The following PLEKHA5 variants were observed in gnomAD, a reference collection of about 807,000 sequenced individuals.
PLEKHA5 encodes pleckstrin homology domain-containing family A member 5.
A neutral mutation model predicts 181.9 loss-of-function variants in PLEKHA5; 55 were observed. The ratio of observed to expected loss-of-function variants is 0.30; its 90% confidence interval spans 0.24 to 0.38. The LOEUF (loss-of-function observed/expected upper bound fraction) is 0.38. Ranked by LOEUF, PLEKHA5 falls within the 10% of genes least tolerant of loss-of-function variation. The pLI, the probability that PLEKHA5 is intolerant of heterozygous loss-of-function variation, is 1.00. For synonymous variants in PLEKHA5, 535 were observed against 529.4 expected, an observed-to-expected ratio of 1.01 and a Z score of -0.15; for missense variants, 1,432 against 1,549.5, an observed-to-expected ratio of 0.92 and a Z score of 1.27.
chr12:19,261,425 T>C (rs1446332318), intron 7 of PLEKHA5, among the ~76,000 whole-genome samples: 1 of 152,190 alleles, frequency 6.6e-6, no homozygotes, highest in Non-Finnish European at 1.5e-5. Flanking sequence ...TATTATGTAA[T>C]GGCAAATGAA....
At chr12:19,348,231 C>G (rs1474485223) in intron 24 of PLEKHA5, among the ~76,000 whole-genome samples, 168 bp from the exon 25 acceptor site, 1 of 152,146 alleles carries the variant, frequency 6.6e-6, no homozygotes, top group African/African-American at 2.4e-5. Flanking sequence ...AAAAATTTCT[C>G]AAATTTCTTC....
In PLEKHA5 at chr12:19,366,009, T is replaced by C; in HGVS notation, c.3654T>C (p.His1218=). The change falls in exon 30 of 32, where the codon CAT becomes CAC. Residue 1218 remains histidine, a synonymous_variant. Transcript: ENST00000429027. ...CCGCAAATCATAAACCAGAAGAGCATCCTGAAGAAAATACAAAGAACAGTG... is the reference window on the plus strand; with the variant it reads ...CCGCAAATCATAAACCAGAAGAGCACCCTGAAGAAAATACAAAGAACAGTG... ...TQTANHKPEE[H]PEENTKNSVD... is the part of the protein sequence containing the mutation. The C allele has an allele frequency of 6.2e-7, 1 of 1,612,218 alleles. No homozygotes were observed. The highest frequency in any genetic ancestry group is 1.1e-5 in the South Asian group (1 of 90,832).
At chr12:19,133,558 A>G (rs1422550994) in intron 3 of PLEKHA5, among the ~76,000 whole-genome samples, 1 of 152,018 alleles carries the variant, frequency 6.6e-6, no homozygotes, top group Non-Finnish European at 1.5e-5. Flanking sequence ...AGTTATTTTT[A>G]CTGTGACATT....
At chr12:19,216,794 T>C (rs532659864) in intron 3 of PLEKHA5, among the ~76,000 whole-genome samples, 134 of 152,236 alleles carry the variant, frequency 8.8e-4, no homozygotes, top group Admixed American at 4.1e-3. Flanking sequence ...GTTTTTCCTA[T>C]CATGTTTTCT....
At chr12:19,281,883 G>A (rs557539188) in intron 11 of PLEKHA5, among the ~76,000 whole-genome samples, 20 of 152,022 alleles carry the variant, frequency 1.3e-4, no homozygotes, top group Non-Finnish European at 2.2e-4. Flanking sequence ...CTGGGGTCAC[G>A]CCATTCTCCT....
chr12:19,148,524 CTCT>C (rs2039532129), intron 3 of PLEKHA5, among the ~76,000 whole-genome samples: 2 of 152,216 alleles, frequency 1.3e-5, no homozygotes, highest in Non-Finnish European at 2.9e-5. Context: ...TCTGAACCCT[CTCT>C]TCTTCTCATT....
At position 19,221,336 on chromosome 12, in the gene PLEKHA5, A is replaced by T. The variant is rs185263008; in HGVS notation, c.228-32604A>T. Among the ~76,000 whole-genome samples the T allele has an allele frequency of 3.1e-3, 477 of 152,290 alleles. 4 individuals are homozygous for T. The highest frequency in any genetic ancestry group is 0.011 in the African/African-American group (459 of 41,564). ...GTAAGAAGAAATGGGCTGTCAAGCT[A>T]CAAAAATGACATAAATGGGTCTTAA... is the stretch of plus-strand genomic sequence containing the variant. On this transcript the variant is annotated intron_variant, in intron 3 of 31. Coordinates refer to ENST00000429027, the MANE Select transcript of PLEKHA5 (RefSeq NM_001256470.2).
At chr12:19,302,774 C>CAT (rs531337479) in intron 15 of PLEKHA5, among the ~76,000 whole-genome samples, 66 of 151,886 alleles carry the variant, frequency 4.3e-4, no homozygotes, top group African/African-American at 1.4e-3. Context: ...TTTGTAGTTA[C>CAT]ATATATATAT....
chr12:19,274,558 C>G lies in PLEKHA5; in HGVS notation c.888C>G (p.Thr296=). ...ITSENAPTKE[T]NNIPNHRVLI... is the part of the protein sequence containing the mutation. ...CTGAAAATGCACCAACTAAAGAAAC[C>G]AATAACATTCCCAACCATAGAGTGC... Residue 296 remains threonine (T), a synonymous_variant, in exon 11 of 32, where the codon ACC becomes ACG. Coordinates refer to ENST00000429027, the MANE Select transcript of PLEKHA5 (RefSeq NM_001256470.2). The G allele has an allele frequency of 3.1e-6, 5 of 1,611,522 alleles. No individual in the cohort carries two copies. Among genetic ancestry groups the G allele is most frequent in the Non-Finnish European group, 4.2e-6 (5 of 1,178,998 alleles).
At chr12:19,263,057 C>T (rs577948440) in intron 7 of PLEKHA5, among the ~76,000 whole-genome samples, 1 of 152,182 alleles carries the variant, frequency 6.6e-6, no homozygotes, top group Non-Finnish European at 1.5e-5. Flanking sequence ...GATGACTGCT[C>T]TGCAGGCTGT....
intron 3 of PLEKHA5, among the ~76,000 whole-genome samples, chr12:19,252,896 A>T (rs1214512717): frequency 2.6e-5 from 4 of 151,798 alleles, no homozygotes; most frequent in Admixed American, 6.6e-5. Flanking sequence ...CTTTCCATTT[A>T]TGAATTTGGC....
chr12:19,223,601 G>A (rs1437104048), intron 3 of PLEKHA5, among the ~76,000 whole-genome samples: 1 of 152,022 alleles, frequency 6.6e-6, no homozygotes, highest in Non-Finnish European at 1.5e-5. Flanking sequence ...ATGATTTTTA[G>A]GTATGTTGTG....
chr12:19,231,613 A>ATTTATATATGTACACATATATATGT (rs1345945535), intron 3 of PLEKHA5, among the ~76,000 whole-genome samples: 63 of 32,402 alleles, frequency 1.9e-3, no homozygotes, highest in East Asian at 3.8e-3. Context: ...TATATATATA[A>ATTTATATATGTACACATATATATGT]ATACTCATAA....
chr12:19,205,413 A>C, intron 3 of PLEKHA5: 1 of 982,078 alleles, frequency 1.0e-6, no homozygotes. Flanking sequence ...GACAAAGAAA[A>C]GAACACAGAT....
At chr12:19,174,312 G>T (rs925428638) in intron 3 of PLEKHA5, among the ~76,000 whole-genome samples, 1 of 152,008 alleles carries the variant, frequency 6.6e-6, no homozygotes, top group Non-Finnish European at 1.5e-5. Flanking sequence ...TCAGAAAATC[G>T]CACTGGAGGT....
Position 19,359,404 on chromosome 12 carries a change from T to C in PLEKHA5, c.3349-8T>C. The stretch of plus-strand genomic sequence containing the variant: ...TGAGTATAAAAATGCTATATGTCTT[T>C]TGAGCAGACTCGAAGGAGGGATGAT... On this transcript the variant is annotated splice_polypyrimidine_tract_variant and splice_region_variant and intron_variant, in intron 27 of 31. Transcript: ENST00000429027. The C allele has an allele frequency of 1.2e-6, 2 of 1,612,006 alleles. No homozygotes were observed. Among genetic ancestry groups the C allele is most frequent in the Middle Eastern group, 1.7e-4 (1 of 6,044 alleles).
intron 21 of PLEKHA5, among the ~76,000 whole-genome samples, chr12:19,339,144 G>A (rs1592549717): frequency 6.6e-6 from 1 of 151,514 alleles, no homozygotes; most frequent in African/African-American, 2.4e-5. Flanking sequence ...ATGTTGAAGT[G>A]ATTCTCCTGC....
At chr12:19,222,228 T>G (rs920051896) in intron 3 of PLEKHA5, among the ~76,000 whole-genome samples, 1 of 152,144 alleles carries the variant, frequency 6.6e-6, no homozygotes, top group Non-Finnish European at 1.5e-5. Context: ...CAAAGAAAGA[T>G]CCTCAAACAA....
rs115280045 is a variant in PLEKHA5 at position 19,304,109 on chromosome 12, G to A, written c.2038-10705G>A. On this transcript the variant is annotated intron_variant, in intron 15 of 31. Coordinates refer to ENST00000429027, the MANE Select transcript of PLEKHA5 (RefSeq NM_001256470.2). ...TAGGCGTGAGCCACCGCGCATGGCC[G>A]AGACCCCATCTCTTAAGAAAAAGAG... 9.3e-3 allele frequency among the ~76,000 whole-genome samples: 1,391 copies of A among 149,766 alleles called. 25 individuals carry two copies. The highest frequency in any genetic ancestry group is 0.032 in the African/African-American group (1,303 of 41,050).
Sources: allele counts gnomAD v4.1 joint callset (sites outside exome capture counted in the v4.1 genomes callset), GRCh38; gene constraint gnomAD v4.1.1; transcripts MANE v1.5; gene names NCBI Gene and HGNC (gene_info 2026-07-23, HGNC 2026-07-21).